Variants in TBC1D1 observed in about 807,000 individuals in gnomAD.
TBC1D1 encodes the protein TBC1 (tre-2/USP6, BUB2, cdc16) domain family, member 1.
A neutral mutation model predicts 125.6 loss-of-function variants in TBC1D1; 89 were observed. The ratio of observed to expected loss-of-function variants is 0.71; its 90% CI spans 0.60 to 0.85. The LOEUF is 0.85. Ranked by LOEUF, TBC1D1 falls within the 40% of genes least tolerant of loss-of-function variation. The pLI, the probability that TBC1D1 is intolerant of heterozygous loss-of-function variation, is 0.00. For synonymous variants in TBC1D1, 565 were observed against 564.1 expected (o/e 1.00, Z -0.02); for missense variants, 1,377 against 1,469.2 (o/e 0.94, Z 1.03).
chr4:37,920,120 C>T (rs1720633559), intron 2 of TBC1D1, among the ~76,000 whole-genome samples: 1 of 152,142 alleles, frequency 6.6e-6, no homozygotes, highest in Non-Finnish European at 1.5e-5. Context: ...CTCAAAACAA[C>T]AACAACAACA....
chr4:37,921,580 T>TA (rs1721009742), intron 2 of TBC1D1, among the ~76,000 whole-genome samples: 1 of 151,428 alleles, frequency 6.6e-6, no homozygotes, highest in Admixed American at 6.6e-5. Flanking sequence ...CTAATTTTTG[T>TA]ATTTTTTTTT....
rs1766485384 is a variant in TBC1D1, at chr4:38,135,912, GTGTGTGTGTATA to G, written c.3307-1213_3307-1202del. ...TATATATGTGTGTGTGTATATATAC[GTGTGTGTGTATA>G]TGTGTGTGTGTGTGTGTGTGTGTGT... is the stretch of plus-strand genomic sequence containing the variant. On this transcript the variant is annotated intron_variant, in intron 19 of 19. Coordinates refer to ENST00000261439, the MANE Select transcript of TBC1D1 (RefSeq NM_015173.4). 3.6e-5 allele frequency among the ~76,000 whole-genome samples: 4 copies of G among 109,926 alleles called. No homozygotes were observed. In the South Asian group the frequency reaches 1.2e-3, roughly 33 times the overall value. 72.1% of individuals were successfully genotyped at this position (109,926 alleles called of 152,430 possible).
intron 12 of TBC1D1, among the ~76,000 whole-genome samples, chr4:38,084,185 C>T (rs1337284590): frequency 2.0e-5 from 3 of 152,186 alleles, no homozygotes; most frequent in Admixed American, 6.5e-5. Flanking sequence ...CTGCCCGCCT[C>T]GGCCTCCCAA....
intron 2 of TBC1D1, chr4:37,952,603 GAAC>G (rs972827707): frequency 6.4e-6 from 1 of 155,800 alleles, no homozygotes; most frequent in African/African-American, 2.4e-5. Context: ...ACAGGGAGGA[GAAC>G]AACACACACT....
intron 2 of TBC1D1, among the ~76,000 whole-genome samples, chr4:37,911,467 G>A (rs900661792): frequency 6.6e-6 from 1 of 152,142 alleles, no homozygotes; most frequent in African/African-American, 2.4e-5. Context: ...ATTTGGGGGA[G>A]GAGCCTGATG....
At chr4:38,061,290 C>T (rs565913407) in intron 12 of TBC1D1, among the ~76,000 whole-genome samples, 7 of 145,102 alleles carry the variant, frequency 4.8e-5, no homozygotes, top group Non-Finnish European at 9.1e-5. Flanking sequence ...GTCAAGCCTA[C>T]AAAAAAAAAA....
intron 15 of TBC1D1, among the ~76,000 whole-genome samples, chr4:38,107,793 A>G (rs998024730): frequency 5.3e-5 from 8 of 152,070 alleles, no homozygotes; most frequent in Non-Finnish European, 7.4e-5. Flanking sequence ...CTCTGCCCAC[A>G]TTGCGAGTTA....
chr4:38,035,462 C>T, intron 7 of TBC1D1, 126 bp from the exon 8 acceptor site: 1 of 691,682 alleles, frequency 1.4e-6, no homozygotes, highest in East Asian at 2.8e-5. Context: ...TCATTGGTGC[C>T]CCCTGGTGAG....
chr4:38,118,132 C>G lies in TBC1D1; in HGVS notation c.2902C>G (p.Pro968Ala). 2.5e-6 allele frequency: 4 copies of G among 1,614,190 alleles called. No individual in the cohort carries two copies. The highest frequency in any genetic ancestry group is 3.4e-6 in the Non-Finnish European group (4 of 1,180,042). The stretch of plus-strand genomic sequence containing the variant: ...GATCGGCCCCAGCCTCTACGCTGCC[C>G]CCTGGTTCCTCACCATGTTTGCCTC... Residue 968 changes from proline to alanine, a missense_variant, in exon 17 of 20, where the codon CCC becomes GCC. Physicochemically the swap from Pro to Ala is conservative, Grantham distance 27. Transcript: ENST00000261439.
intron 18 of TBC1D1, among the ~76,000 whole-genome samples, chr4:38,125,573 A>G (rs1443316825): frequency 6.6e-6 from 1 of 152,088 alleles, no homozygotes; most frequent in Non-Finnish European, 1.5e-5. Flanking sequence ...TAGGGAACAT[A>G]TATTCTATGA....
chr4:38,070,856 C>G (rs777405146), intron 12 of TBC1D1, among the ~76,000 whole-genome samples: 1 of 152,154 alleles, frequency 6.6e-6, no homozygotes, highest in African/African-American at 2.4e-5. Flanking sequence ...TACATTTAGT[C>G]TTTCTAGAAA....
intron 2 of TBC1D1, among the ~76,000 whole-genome samples, chr4:37,930,974 A>G (rs1207490756): frequency 6.6e-6 from 1 of 152,230 alleles, no homozygotes; most frequent in Non-Finnish European, 1.5e-5. Flanking sequence ...GAAAGAATGG[A>G]TTAGGAGACT....
chr4:38,083,243 T>C (rs1369992756), intron 12 of TBC1D1, among the ~76,000 whole-genome samples: 1 of 152,222 alleles, frequency 6.6e-6, no homozygotes, highest in East Asian at 1.9e-4. Flanking sequence ...CCCCCAATCT[T>C]CTGGAATTCC....
chr4:38,024,529 A>G (rs998486013), intron 6 of TBC1D1, among the ~76,000 whole-genome samples: 3 of 152,216 alleles, frequency 2.0e-5, no homozygotes, highest in African/African-American at 7.2e-5. Flanking sequence ...CACCTGATAA[A>G]ATCCAACCAA....
At position 38,014,402 on chromosome 4, in the gene TBC1D1, C is replaced by T. The variant is rs1017751802; in HGVS notation, c.418-107C>T. 3.6e-6 allele frequency: 4 copies of T among 1,102,090 alleles called. No homozygotes were observed. Among genetic ancestry groups the T allele is most frequent in the Non-Finnish European group, 5.3e-6 (4 of 755,884 alleles). The allele number at this position is 1,102,090 out of a possible 1,614,324, so 68.3% of individuals were successfully genotyped here. On this transcript the variant is annotated intron_variant, in intron 2 of 19. Transcript: ENST00000261439. The surrounding 1 kb of genome is among the most constrained non-coding windows in gnomAD (Gnocchi z 5.1). Reference sequence around the variant, plus strand: ...TCCAGTGGGCTCCTCCTCCAGTGCTCCGCAGTGGAGTAGCCAGCGGGGCGT... The same window carrying T: ...TCCAGTGGGCTCCTCCTCCAGTGCTTCGCAGTGGAGTAGCCAGCGGGGCGT...
intron 17 of TBC1D1, chr4:38,119,992 C>T (rs1370091681): frequency 2.4e-5 from 24 of 985,206 alleles, no homozygotes; most frequent in Non-Finnish European, 2.8e-5. Flanking sequence ...GGTAAAAAGA[C>T]GTTAACAAAC....
intron 1 of TBC1D1, among the ~76,000 whole-genome samples, chr4:37,898,703 T>C (rs1033786803): frequency 6.6e-6 from 1 of 152,128 alleles, no homozygotes; most frequent in African/African-American, 2.4e-5. Flanking sequence ...GAGTAATAAA[T>C]TGTCCTTCGT....
Position 37,990,950 on chromosome 4 carries a change from C to T in TBC1D1, c.418-23559C>T, listed in dbSNP as rs115012119. Among the ~76,000 whole-genome samples the T allele has an allele frequency of 1.0e-2, 1,518 of 151,988 alleles. 27 individuals are homozygous for T. Among genetic ancestry groups the T allele is most frequent in the African/African-American group, 0.035 (1,446 of 41,440 alleles). On this transcript the variant is annotated intron_variant, in intron 2 of 19. Transcript: ENST00000261439. The stretch of plus-strand genomic sequence containing the variant: ...GACGTTCTTGGTCAAGAAATCTGGC[C>T]GCTTCAAGCTCAGTGTTGATCACAA...
At position 38,027,784 on chromosome 4, in the gene TBC1D1, A is replaced by G; in HGVS notation, c.1211-4A>G. The G allele has an allele frequency of 6.2e-7, 1 of 1,605,886 alleles. No individual in the cohort carries two copies. ...TTTCATGCCTCTCTTTTTTCTCTTA[A>G]TAGGAATGAATTCTTCCAAAACAAA... On this transcript the variant is annotated splice_region_variant and splice_polypyrimidine_tract_variant and intron_variant, in intron 6 of 19. Transcript: ENST00000261439.
Sources: allele counts gnomAD v4.1 joint callset (sites outside exome capture counted in the v4.1 genomes callset), GRCh38; gene constraint gnomAD v4.1.1; non-coding constraint Gnocchi (gnomAD v3.1); transcripts MANE v1.5; gene names NCBI Gene and HGNC (gene_info 2026-07-23, HGNC 2026-07-21).